Variants in TBC1D16 observed in about 807,000 individuals in gnomAD.
The protein encoded by TBC1D16 is CTD-2529O21.1.
In TBC1D16, 58 loss-of-function variants were observed where a neutral mutation model predicts 74.7. The observed-to-expected ratio is 0.78, with a 90% CI of 0.63 to 0.97. TBC1D16 has a LOEUF of 0.97. Among genes scored for constraint, TBC1D16 ranks in the 50% least tolerant of loss-of-function variants. TBC1D16 has a pLI of 0.00. For synonymous variants in TBC1D16, 493 were observed against 474.7 expected (o/e 1.04, Z -0.50); for missense variants, 1,014 against 1,079.5 (o/e 0.94, Z 0.85).
intron 3 of TBC1D16, among the ~76,000 whole-genome samples, chr17:79,957,627 T>C (rs545602619): frequency 1.3e-5 from 2 of 152,252 alleles, no homozygotes; most frequent in African/African-American, 4.8e-5. Flanking sequence ...CGGTGACAGG[T>C]GTCTTTATAC....
intron 1 of TBC1D16, among the ~76,000 whole-genome samples, chr17:80,024,206 G>A (rs2036401940): frequency 7.0e-6 from 1 of 141,886 alleles, no homozygotes; most frequent in African/African-American, 2.7e-5. Context: ...AGCGGGGCAC[G>A]CCCCACGGAC....
In TBC1D16 at chr17:79,949,733, C is replaced by G; in HGVS notation, c.1390G>C (p.Glu464Gln). 1.9e-6 allele frequency: 3 copies of G among 1,611,996 alleles called. No individual in the cohort carries two copies. The highest frequency in any genetic ancestry group is 2.5e-6 in the Non-Finnish European group (3 of 1,178,986). ...GGCGGTTACCTTTTCTGCTGGATCT[C>G]AGAGTACTCCTTTCGCTTCTGCAGC... ...LRLQKRKEYS[E>Q]IQQKRLSMTP... The change falls in exon 7 of 12, where the codon GAG becomes CAG. Residue 464 changes from glutamate to glutamine, a missense_variant. Glu to Gln is a conservative substitution (Grantham distance 29). Coordinates refer to ENST00000310924, the MANE Select transcript of TBC1D16 (RefSeq NM_019020.4).
At chr17:79,973,697 G>A (rs533634112) in intron 3 of TBC1D16, among the ~76,000 whole-genome samples, 19 of 146,958 alleles carry the variant, frequency 1.3e-4, no homozygotes, top group Admixed American at 6.3e-4. Context: ...GCGACAGAGC[G>A]AGACTCTGTC....
intron 3 of TBC1D16, among the ~76,000 whole-genome samples, chr17:79,955,747 G>A (rs1271110632): frequency 6.6e-6 from 1 of 152,142 alleles, no homozygotes; most frequent in African/African-American, 2.4e-5. Context: ...ATTTTCTGAA[G>A]ATCACCCAAA....
intron 3 of TBC1D16, among the ~76,000 whole-genome samples, chr17:79,997,652 A>G (rs922537594): frequency 2.6e-5 from 4 of 152,218 alleles, no homozygotes; most frequent in African/African-American, 7.2e-5. Flanking sequence ...ACACTTTCCC[A>G]TACCATTAAT....
chr17:79,947,714 GC>G lies in TBC1D16; in HGVS notation c.1658del (p.Cys553SerfsTer5), dbSNP rs759769545. On this transcript the variant is annotated frameshift_variant, in exon 9 of 12. Transcript: ENST00000310924. LOFTEE classifies it high-confidence loss of function. The part of the protein sequence containing the change: ...EVLDESDTFW[C>X]FVGLMQNTIF... ...TCGTGTTCTGCATCAAACCCACAAA[GC>G]ACCAGAAGGTGTCTGACTCATCCAG... The G allele has an allele frequency of 3.1e-6, 5 of 1,614,116 alleles. No homozygotes were observed. The highest frequency in any genetic ancestry group is 4.2e-6 in the Non-Finnish European group (5 of 1,180,034).
chr17:80,021,229 A>T (rs1344836560), intron 1 of TBC1D16, among the ~76,000 whole-genome samples: 1 of 148,676 alleles, frequency 6.7e-6, no homozygotes, highest in African/African-American at 2.6e-5. Flanking sequence ...TCCAGCCTGG[A>T]AACAAGAGTG....
At chr17:79,984,074 C>CG (rs1327353541) in intron 3 of TBC1D16, among the ~76,000 whole-genome samples, 11 of 19,062 alleles carry the variant, frequency 5.8e-4, no homozygotes, top group Non-Finnish European at 1.4e-3. Context: ...GGTGGGGGGG[C>CG]GGGGGTCTCA....
chr17:79,962,826 C>G (rs1054984697), intron 3 of TBC1D16, among the ~76,000 whole-genome samples: 1 of 151,670 alleles, frequency 6.6e-6, no homozygotes, highest in African/African-American at 2.4e-5. Flanking sequence ...CTTTGGGAGG[C>G]CGAGGTGGGC....
Position 79,934,124 on chromosome 17 carries a change from C to A in TBC1D16, c.*6735G>T, listed in dbSNP as rs2031434776. On this transcript the variant is annotated 3_prime_UTR_variant, in exon 12 of 12. Transcript: ENST00000310924. ...GAGGCACGGCCCCTGAAAAGTGTGG[C>A]CCGCCAGGTGGCACCTATGTTCTCT... 1 of 152,272 alleles carries A rather than the reference C, an allele frequency of 6.6e-6. No homozygotes were observed. The highest frequency in any genetic ancestry group is 1.5e-5 in the Non-Finnish European group (1 of 68,072). 9.4% of individuals were successfully genotyped at this position (152,272 alleles called of 1,614,324 possible). A position where few individuals can be genotyped will look rare whatever the true frequency, so the allele number is the denominator to read the frequency against.
In TBC1D16 at chr17:79,975,834, C is replaced by T. The variant is rs376913363; in HGVS notation, c.780-23016G>A. Among the ~76,000 whole-genome samples, 6 of 152,170 alleles carry T rather than the reference C, an allele frequency of 3.9e-5. No homozygotes were observed. Among genetic ancestry groups the T allele is most frequent in the Non-Finnish European group, 7.3e-5 (5 of 68,028 alleles). On this transcript the variant is annotated intron_variant, in intron 3 of 11. Coordinates refer to ENST00000310924, the MANE Select transcript of TBC1D16 (RefSeq NM_019020.4). This position sits in a 1 kb window ranked among gnomAD's most constrained non-coding sequence, Gnocchi z 4.5. ...GAGCATGAGCCCCACTTTGGAATGACGGGGTCTGTGCAGAGACCGGGCAGA... is the reference window on the plus strand; with the variant it reads ...GAGCATGAGCCCCACTTTGGAATGATGGGGTCTGTGCAGAGACCGGGCAGA...
At position 80,013,405 on chromosome 17, in the gene TBC1D16, G is replaced by T. The variant is rs375795567; in HGVS notation, c.143C>A (p.Pro48Gln). The part of the protein sequence containing the change: ...IYSKNNVCVH[P>Q]PEGLQGLGEH... The stretch of plus-strand genomic sequence containing the variant: ...CCCCAGCCCCTGCAGCCCCTCCGGC[G>T]GGTGCACGCAGACATTGTTCTTGGA... Residue 48 changes from proline (P) to glutamine (Q), a missense_variant, in exon 2 of 12, where the codon CCG becomes CAG. Physicochemically the swap from Pro to Gln is moderately conservative, Grantham distance 76 (BLOSUM62 -1). Transcript: ENST00000310924. 1 of 1,608,746 alleles carries T rather than the reference G, an allele frequency of 6.2e-7. No homozygotes were observed. The highest frequency in any genetic ancestry group is 8.5e-7 in the Non-Finnish European group (1 of 1,178,092).
chr17:79,976,659 G>A (rs1276876780), intron 3 of TBC1D16, among the ~76,000 whole-genome samples: 2 of 152,230 alleles, frequency 1.3e-5, no homozygotes, highest in Admixed American at 1.3e-4. Flanking sequence ...CAGGGATGCT[G>A]GATGCAAACT....
chr17:80,011,866 G>A (rs1191519658), intron 2 of TBC1D16, among the ~76,000 whole-genome samples: 1 of 152,156 alleles, frequency 6.6e-6, no homozygotes, highest in Non-Finnish European at 1.5e-5. Flanking sequence ...GTGGTATTTG[G>A]GCCTTTTCCA....
chr17:80,031,282 G>A (rs2143439815), intron 1 of TBC1D16, among the ~76,000 whole-genome samples: 1 of 152,334 alleles, frequency 6.6e-6, no homozygotes, highest in Admixed American at 6.5e-5. Flanking sequence ...GTTACAGGAT[G>A]AATTGAGAAA....
rs781092548 is a variant in TBC1D16, at chr17:79,940,886, C to T, written c.2277G>A (p.Pro759=). Residue 759 remains proline (P), a synonymous_variant, in exon 12 of 12, where the codon CCG becomes CCA. Transcript: ENST00000310924. This position sits in a 1 kb window ranked among gnomAD's most constrained non-coding sequence, Gnocchi z 5.4. ...ATCTGCGGAAGCCGAAGCCGTCCTG[C>T]GGCGTCTTTGGGCCCTTCTTGCCTT... ...LREGKKGPKT[P]QDGFGFRR is the part of the protein sequence containing the mutation. 24 of 1,568,490 alleles carry T rather than the reference C, an allele frequency of 1.5e-5. No individual in the cohort carries two copies. The East Asian group carries it at 2.5e-4, about 17-fold the overall frequency.
In TBC1D16 at chr17:79,990,994, G is replaced by A. The variant is rs1335361677; in HGVS notation, c.779+19166C>T. Among the ~76,000 whole-genome samples the A allele has an allele frequency of 3.3e-5, 5 of 152,266 alleles. No individual in the cohort carries two copies. Among genetic ancestry groups the A allele is most frequent in the Admixed American group, 6.5e-5 (1 of 15,284 alleles). On this transcript the variant is annotated intron_variant, in intron 3 of 11. Coordinates refer to ENST00000310924, the MANE Select transcript of TBC1D16 (RefSeq NM_019020.4). The surrounding 1 kb of genome is among the most constrained non-coding windows in gnomAD (Gnocchi z 4.8). ...ACACACCGCGTTTCTCTAGTCACCC[G>A]TCGGGGGAACTTGGACGCTTTCACC...
In TBC1D16 at chr17:80,010,974, C is replaced by T. The variant is rs1047200238; in HGVS notation, c.182-217G>A. On this transcript the variant is annotated intron_variant, in intron 2 of 11. Transcript: ENST00000310924. This position sits in a 1 kb window ranked among gnomAD's most constrained non-coding sequence, Gnocchi z 8.8. ...CGTGTTTTTTAAGAACACACACTTCCGGCAGATCCAGGGGGCACTGGTCCC... is the reference window on the plus strand; with the variant it reads ...CGTGTTTTTTAAGAACACACACTTCTGGCAGATCCAGGGGGCACTGGTCCC... Among the ~76,000 whole-genome samples, 17 of 152,270 alleles carry T rather than the reference C, an allele frequency of 1.1e-4. No individual in the cohort carries two copies. The highest frequency in any genetic ancestry group is 1.4e-4 in the African/African-American group (6 of 41,560).
In TBC1D16 at chr17:80,001,011, C is replaced by T. The variant is rs2035464882; in HGVS notation, c.779+9149G>A. ...AATTCTTTGGCAGCCCCTCCAAGCT[C>T]CCAGAGCTGAGGGGCAGCCAGGGAG... On this transcript the variant is annotated intron_variant, in intron 3 of 11. Transcript: ENST00000310924. The surrounding 1 kb of genome is among the most constrained non-coding windows in gnomAD (Gnocchi z 5.8). Among the ~76,000 whole-genome samples, 1 of 152,252 alleles carries T rather than the reference C, an allele frequency of 6.6e-6. No individual in the cohort carries two copies. Among genetic ancestry groups the T allele is most frequent in the South Asian group, 2.1e-4 (1 of 4,832 alleles).
Sources: allele counts gnomAD v4.1 joint callset (sites outside exome capture counted in the v4.1 genomes callset), GRCh38; gene constraint gnomAD v4.1.1; non-coding constraint Gnocchi (gnomAD v3.1); transcripts MANE v1.5; gene names NCBI Gene and HGNC (gene_info 2026-07-23, HGNC 2026-07-21).